Variants in GRK3 observed in about 807,000 individuals in gnomAD.
GRK3 encodes G protein-coupled receptor kinase 3.
Under a neutral mutation model 95.7 loss-of-function variants are expected in GRK3, and 54 were observed. The ratio of observed to expected loss-of-function variants is 0.56; its 90% CI spans 0.45 to 0.71. The LOEUF (loss-of-function observed/expected upper bound fraction) is 0.71, where lower values mean the gene tolerates loss of function less well. Among genes scored for constraint, GRK3 ranks in the 30% least tolerant of loss-of-function variants. The pLI is 0.00. For missense variants in GRK3, 649 were observed against 851.2 expected (o/e 0.76, Z 2.96); for synonymous variants, 281 against 290.8 (o/e 0.97, Z 0.34).
chr22:25,688,046 C>A (rs768878660), intron 11 of GRK3, among the ~76,000 whole-genome samples: 1 of 152,100 alleles, frequency 6.6e-6, no homozygotes. Context: ...GCCATCCTGG[C>A]TAACACAGTG....
chr22:25,662,516 T>C (rs116977314), intron 4 of GRK3, among the ~76,000 whole-genome samples: 4 of 152,172 alleles, frequency 2.6e-5, no homozygotes, highest in South Asian at 2.1e-4. Context: ...GGTCATGGTA[T>C]TGGTGTATTT....
intron 11 of GRK3, 70 bp from the exon 12 acceptor site, chr22:25,690,119 C>T: frequency 9.2e-7 from 1 of 1,085,316 alleles, no homozygotes. Context: ...CAGGTGTCTG[C>T]ACTCAAAGTT....
intron 2 of GRK3, among the ~76,000 whole-genome samples, chr22:25,628,976 T>C (rs2084646359): frequency 6.6e-6 from 1 of 152,086 alleles, no homozygotes; most frequent in Admixed American, 6.5e-5. Flanking sequence ...GTGGTGATGG[T>C]GGTACGTGAC....
chr22:25,710,115 C>T (rs1244549123), intron 16 of GRK3, 151 bp downstream of exon 16: 1 of 697,408 alleles, frequency 1.4e-6, no homozygotes, highest in African/African-American at 1.7e-5. Context: ...CCCCCAGCAT[C>T]CTGTGTCCAC....
At chr22:25,688,097 G>C (rs111435423) in intron 11 of GRK3, among the ~76,000 whole-genome samples, 1 of 151,952 alleles carries the variant, frequency 6.6e-6, no homozygotes, top group East Asian at 1.9e-4. Context: ...TTAGCCGGGC[G>C]TGGTGGCAGG....
rs1029182868 is a variant in GRK3 at position 25,722,758 on chromosome 22, C to T, written c.*308C>T. The T allele has an allele frequency of 8.5e-6, 2 of 236,492 alleles. No individual in the cohort carries two copies. The highest frequency in any genetic ancestry group is 8.3e-6 in the Non-Finnish European group (1 of 121,144). 14.6% of individuals were successfully genotyped at this position (236,492 alleles called of 1,614,324 possible). ...TCTGATATCAAACACATCTTAGACT[C>T]CCCAGAATGGAATTTAAAGATGTTC... On this transcript the variant is annotated 3_prime_UTR_variant, in exon 21 of 21. Transcript: ENST00000324198.
At chr22:25,711,579 A>G (rs917088545) in intron 17 of GRK3, among the ~76,000 whole-genome samples, 1 of 152,168 alleles carries the variant, frequency 6.6e-6, no homozygotes, top group Non-Finnish European at 1.5e-5. Context: ...TTTGTCAATC[A>G]AAGGTGAAAT....
chr22:25,621,068 C>G (rs972286817), intron 2 of GRK3, among the ~76,000 whole-genome samples: 7 of 152,230 alleles, frequency 4.6e-5, no homozygotes, highest in African/African-American at 1.7e-4. Context: ...CAGCATGTTT[C>G]ATTTAAAAGT....
chr22:25,647,204 C>T, intron 3 of GRK3: 1 of 193,608 alleles, frequency 5.2e-6, no homozygotes, highest in Non-Finnish European at 1.0e-5. Flanking sequence ...CCCCTCCCAC[C>T]ACCCGGAGCT....
chr22:25,711,077 C>T lies in GRK3; in HGVS notation c.1405C>T (p.Pro469Ser), dbSNP rs2085340275. 1 of 1,612,132 alleles carries T rather than the reference C, an allele frequency of 6.2e-7. No homozygotes were observed. Among genetic ancestry groups the T allele is most frequent in the African/African-American group, 1.3e-5 (1 of 74,872 alleles). Residue 469 changes from proline to serine, a missense_variant, in exon 17 of 21, where the codon CCC (proline) becomes TCC (serine). By Grantham distance (74) the Pro-to-Ser change is moderately conservative. Around this residue, in one of 3 missense-constraint regions of GRK3, gnomAD observed 382 missense variants for 493.8 expected, o/e 0.77. Transcript: ENST00000324198. Reference sequence around the variant, plus strand: ...TGTTTGGATCTTCCAGTACCCACCACCCTTGATTCCTCCCCGGGGAGAAGT... The same window carrying T: ...TGTTTGGATCTTCCAGTACCCACCATCCTTGATTCCTCCCCGGGGAGAAGT... The part of the protein sequence containing the change: ...QHVYLQKYPP[P>S]LIPPRGEVNA...
At chr22:25,599,238 C>T (rs1281759119) in intron 1 of GRK3, among the ~76,000 whole-genome samples, 3 of 152,060 alleles carry the variant, frequency 2.0e-5, no homozygotes, top group Non-Finnish European at 4.4e-5. Context: ...TAAAACTTGT[C>T]CTTTAAAGAC....
At chr22:25,588,037 G>C (rs1456526364) in intron 1 of GRK3, among the ~76,000 whole-genome samples, 1 of 150,956 alleles carries the variant, frequency 6.6e-6, no homozygotes, top group South Asian at 2.1e-4. Context: ...GAGCTGAAGC[G>C]ATCCACCTGC....
chr22:25,651,047 C>G (rs544203618), intron 3 of GRK3, among the ~76,000 whole-genome samples: 2 of 152,144 alleles, frequency 1.3e-5, no homozygotes, highest in African/African-American at 2.4e-5. Context: ...AAACAGCCTT[C>G]TAGCACACTG....
intron 6 of GRK3, among the ~76,000 whole-genome samples, chr22:25,669,356 T>C (rs1315735225): frequency 6.6e-6 from 1 of 152,162 alleles, no homozygotes; most frequent in African/African-American, 2.4e-5. Flanking sequence ...GAGAGGGCAG[T>C]GGAGGCTTTC....
At chr22:25,721,984 A>G (rs1449095237) in intron 20 of GRK3, among the ~76,000 whole-genome samples, 5 of 152,240 alleles carry the variant, frequency 3.3e-5, no homozygotes, top group African/African-American at 1.2e-4. Context: ...CCCCTATATT[A>G]TTATAGATTT....
intron 1 of GRK3, among the ~76,000 whole-genome samples, 178 bp downstream of exon 1, chr22:25,565,331 G>T (rs1350978380): frequency 1.3e-5 from 2 of 152,172 alleles, no homozygotes; most frequent in African/African-American, 4.8e-5. Context: ...GGGCATCGGA[G>T]GGCCGGTGGG....
intron 1 of GRK3, among the ~76,000 whole-genome samples, chr22:25,589,509 G>A (rs1192361539): frequency 1.3e-5 from 2 of 152,146 alleles, no homozygotes; most frequent in East Asian, 1.9e-4. Context: ...ATTAACACAA[G>A]TCATTATGCC....
intron 2 of GRK3, among the ~76,000 whole-genome samples, chr22:25,637,953 T>C (rs2084714881): frequency 6.6e-6 from 1 of 152,210 alleles, no homozygotes; most frequent in South Asian, 2.1e-4. Flanking sequence ...GCTGATTGGA[T>C]GCAGCCCACC....
chr22:25,672,310 G>T lies in GRK3; in HGVS notation c.518G>T (p.Arg173Ile). Residue 173 changes from arginine to isoleucine, a missense_variant, in exon 7 of 21, where the codon AGA becomes ATA. Transcript: ENST00000324198. ...TTCTCTTTTAGTGACAAGTTCACTA[G>T]ATTTTGTCAGTGGAAAAACGTTGAA... is the stretch of plus-strand genomic sequence containing the variant. ...QKFMESDKFT[R>I]FCQWKNVELN... 6.9e-7 allele frequency: 1 copy of T among 1,458,364 alleles called. No individual in the cohort carries two copies. 90.3% of individuals were successfully genotyped at this position (1,458,364 alleles called of 1,614,324 possible).
Sources: allele counts gnomAD v4.1 joint callset (sites outside exome capture counted in the v4.1 genomes callset), GRCh38; gene constraint gnomAD v4.1.1; regional missense constraint gnomAD v4.1.1; transcripts MANE v1.5; gene names NCBI Gene and HGNC (gene_info 2026-07-23, HGNC 2026-07-21).